The following PCSK5 variants were observed in gnomAD, a reference collection of about 807,000 sequenced individuals.
PCSK5 encodes proprotein convertase subtilisin/kexin type 5.
In PCSK5, 129 loss-of-function variants were observed where a neutral mutation model predicts 233.2. That is an observed-to-expected ratio of 0.55 (90% CI 0.48 to 0.64). The LOEUF (loss-of-function observed/expected upper bound fraction) is 0.64, where lower values mean the gene tolerates loss of function less well. PCSK5 is among the 30% of genes least tolerant of loss of function. The probability of loss-of-function intolerance (pLI) is 0.00; values close to 1 mark genes in which losing one functional copy is unlikely to be tolerated. For missense variants in PCSK5, 2,076 were observed against 2,430.1 expected, an observed-to-expected ratio of 0.85 and a Z score of 3.06; for synonymous variants, 825 against 879.2, an observed-to-expected ratio of 0.94 and a Z score of 1.09.
chr9:76,322,969 G>A (rs1206273956), intron 31 of PCSK5, 83 bp from the exon 32 acceptor site: 2 of 745,072 alleles, frequency 2.7e-6, no homozygotes, highest in Non-Finnish European at 4.5e-6. Context: ...CCAAAGTGCT[G>A]AGGGAGGAGC....
At chr9:76,218,300 G>T (rs891534342) in intron 20 of PCSK5, among the ~76,000 whole-genome samples, 1 of 152,170 alleles carries the variant, frequency 6.6e-6, no homozygotes, top group Non-Finnish European at 1.5e-5. Context: ...AAAAAAGAAC[G>T]TGTGTAGGTT....
chr9:75,996,581 A>G (rs750889853), intron 3 of PCSK5, among the ~76,000 whole-genome samples: 1 of 152,216 alleles, frequency 6.6e-6, no homozygotes, highest in Non-Finnish European at 1.5e-5. Flanking sequence ...TAACTAGTCA[A>G]AGTGCTTCCA....
intron 2 of PCSK5, among the ~76,000 whole-genome samples, chr9:75,948,139 G>T (rs1329807306): frequency 6.6e-6 from 1 of 152,018 alleles, no homozygotes; most frequent in Non-Finnish European, 1.5e-5. Context: ...GAGCCATCAT[G>T]CCTGGCTTCC....
At chr9:75,890,263 G>A (rs1261913444), upstream of PCSK5, among the ~76,000 whole-genome samples, 1 of 152,218 alleles carries the variant, frequency 6.6e-6, no homozygotes, top group Non-Finnish European at 1.5e-5. Context: ...CGAGTTATTT[G>A]TTCGGCAATT....
intron 2 of PCSK5, among the ~76,000 whole-genome samples, chr9:75,941,164 G>A (rs911483409): frequency 1.4e-4 from 21 of 152,148 alleles, no homozygotes; most frequent in African/African-American, 5.1e-4. Flanking sequence ...TTCTTTGGCA[G>A]GTTAACGTGC....
intron 20 of PCSK5, among the ~76,000 whole-genome samples, chr9:76,191,886 C>T (rs1824396834): frequency 6.6e-6 from 1 of 151,950 alleles, no homozygotes; most frequent in East Asian, 1.9e-4. Context: ...TGAGACCAGC[C>T]TGAGCAACAT....
intron 22 of PCSK5, among the ~76,000 whole-genome samples, chr9:76,237,860 T>TA (rs1478083405): frequency 6.6e-6 from 1 of 152,162 alleles, no homozygotes; most frequent in Admixed American, 6.5e-5. Flanking sequence ...TGCTCACAGG[T>TA]AAAAAATAGT....
intron 11 of PCSK5, among the ~76,000 whole-genome samples, chr9:76,157,582 C>T (rs1229340604): frequency 6.6e-6 from 1 of 151,906 alleles, no homozygotes; most frequent in Non-Finnish European, 1.5e-5. Flanking sequence ...GGCCTATTCC[C>T]CAGTTTTAGT....
In PCSK5 at chr9:75,911,721, G is replaced by A. The variant is rs530101377; in HGVS notation, c.192+20348G>A. Among the ~76,000 whole-genome samples, 4 of 152,250 alleles carry A rather than the reference G, an allele frequency of 2.6e-5. No individual in the cohort carries two copies. In the South Asian group the frequency reaches 8.3e-4, roughly 32 times the overall value. ...CTGGTGGTTGGTGCTGGTTGCTGGT[G>A]CTGGCTTGGGTTATGGAGAGTGGTG... On this transcript the variant is annotated intron_variant, in intron 1 of 37. Coordinates refer to ENST00000674117, the MANE Select transcript of PCSK5 (RefSeq NM_001372043.1).
intron 3 of PCSK5, among the ~76,000 whole-genome samples, chr9:75,993,274 T>C (rs1270919086): frequency 6.6e-6 from 1 of 151,944 alleles, no homozygotes; most frequent in Non-Finnish European, 1.5e-5. Context: ...CAGTAAATAA[T>C]GGACTGGTAG....
intron 7 of PCSK5, among the ~76,000 whole-genome samples, chr9:76,077,293 G>C (rs1287703040): frequency 2.0e-5 from 3 of 151,948 alleles, no homozygotes; most frequent in African/African-American, 7.3e-5. Flanking sequence ...TCAAAGTTCT[G>C]CCTCAAAAAA....
intron 37 of PCSK5, among the ~76,000 whole-genome samples, chr9:76,354,445 G>T (rs1347784628): frequency 2.0e-5 from 3 of 152,188 alleles, no homozygotes. Flanking sequence ...GGCTCAAAGA[G>T]TTGGATTCGC....
rs922393434 is a variant in PCSK5 at position 76,360,000 on chromosome 9, T to G, written c.*1078T>G. On this transcript the variant is annotated 3_prime_UTR_variant, in exon 38 of 38. Transcript: ENST00000674117. Reference sequence around the variant, plus strand: ...TTCTAGACTTCCTAGGCTTCCTTTTTTCCATTCTTCTGTCAAGTGTATTCT... The same window carrying G: ...TTCTAGACTTCCTAGGCTTCCTTTTGTCCATTCTTCTGTCAAGTGTATTCT... 6.6e-6 allele frequency: 1 copy of G among 152,220 alleles called. No individual in the cohort carries two copies. The highest frequency in any genetic ancestry group is 2.4e-5 in the African/African-American group (1 of 41,454). 9.4% of individuals were successfully genotyped at this position (152,220 alleles called of 1,614,324 possible).
chr9:76,023,931 A>G (rs985862906), intron 4 of PCSK5, 50 bp downstream of exon 4: 1 of 1,525,164 alleles, frequency 6.6e-7, no homozygotes, highest in Non-Finnish European at 8.9e-7. Context: ...AAACAGAGAA[A>G]CTCATGTTAG....
rs1333005164 is a variant in PCSK5, at chr9:76,351,524, G to GA, written c.5067+599dup. The stretch of plus-strand genomic sequence containing the variant: ...AGAAAGAAAGAAAGAAAGAAAGAAA[G>GA]AAAGAAAGGAAGGAAAGAAAGAGAA... On this transcript the variant is annotated intron_variant, in intron 36 of 37. Transcript: ENST00000674117. Among the ~76,000 whole-genome samples the GA allele has an allele frequency of 1.7e-3, 200 of 116,100 alleles. 21 individuals carry two copies. Among genetic ancestry groups the GA allele is most frequent in the African/African-American group, 6.9e-3 (187 of 27,192 alleles). The allele number at this position is 116,100 out of a possible 152,430, so 76.2% of individuals were successfully genotyped here.
At chr9:76,146,061 A>G (rs1823430306) in intron 10 of PCSK5, among the ~76,000 whole-genome samples, 1 of 152,014 alleles carries the variant, frequency 6.6e-6, no homozygotes, top group Non-Finnish European at 1.5e-5. Context: ...ATCTCAATTC[A>G]GTCTCTTTAC....
At chr9:76,042,377 A>T (rs2792223) in intron 5 of PCSK5, among the ~76,000 whole-genome samples, 1 of 152,116 alleles carries the variant, frequency 6.6e-6, no homozygotes, top group Admixed American at 6.5e-5. Flanking sequence ...GCCAGGCACC[A>T]TGGTGGCTCA....
intron 20 of PCSK5, among the ~76,000 whole-genome samples, chr9:76,211,258 C>A (rs3905290): frequency 6.6e-6 from 1 of 152,160 alleles, no homozygotes; most frequent in African/African-American, 2.4e-5. Flanking sequence ...AACATCCATT[C>A]GTATGAAGTC....
At chr9:76,194,556 C>T (rs970365770) in intron 20 of PCSK5, 1 of 233,182 alleles carries the variant, frequency 4.3e-6, no homozygotes, top group African/African-American at 2.4e-5. Context: ...CTATGCCATA[C>T]TATTATATGC....
Sources: allele counts gnomAD v4.1 joint callset (sites outside exome capture counted in the v4.1 genomes callset), GRCh38; gene constraint gnomAD v4.1.1; transcripts MANE v1.5; gene names NCBI Gene and HGNC (gene_info 2026-07-23, HGNC 2026-07-21).